Variants in TTC12 observed in about 807,000 individuals in gnomAD.
TTC12 encodes tetratricopeptide repeat domain 12, also known as tetratricopeptide repeat protein 12.
TTC12 carries 70 observed loss-of-function variants against 90.1 expected under a neutral mutation model. The ratio of observed to expected loss-of-function variants is 0.78; its 90% CI spans 0.64 to 0.95. The LOEUF is 0.95. Among genes scored for constraint, TTC12 ranks in the 40% least tolerant of loss-of-function variants. The probability of loss-of-function intolerance (pLI) is 0.00; values close to 1 mark genes in which losing one functional copy is unlikely to be tolerated. For synonymous variants in TTC12, 296 were observed against 311.5 expected (o/e 0.95, Z 0.53); for missense variants, 819 against 846.1 (o/e 0.97, Z 0.40).
chr11:113,320,621 G>C (rs1591513431), intron 2 of TTC12, among the ~76,000 whole-genome samples: 1 of 152,196 alleles, frequency 6.6e-6, no homozygotes, highest in Non-Finnish European at 1.5e-5. Flanking sequence ...GGGATGCTGG[G>C]CAAGAGCTCG....
chr11:113,317,475 G>C (rs7927508), intron 2 of TTC12, among the ~76,000 whole-genome samples: 8 of 151,462 alleles, frequency 5.3e-5, no homozygotes, highest in African/African-American at 9.7e-5. Flanking sequence ...ATCCTCTCCA[G>C]CCCTCCCTTT....
At chr11:113,347,039 T>A (rs1414565784) in intron 13 of TTC12, among the ~76,000 whole-genome samples, 1 of 152,174 alleles carries the variant, frequency 6.6e-6, no homozygotes, top group Non-Finnish European at 1.5e-5. Flanking sequence ...AGTTAGGATG[T>A]GTGCATTGTC....
chr11:113,315,999 G>C, intron 1 of TTC12: 1 of 324,932 alleles, frequency 3.1e-6, no homozygotes, highest in Non-Finnish European at 5.6e-6. Context: ...ACTATTTGCA[G>C]AGCGTTTTCT....
At chr11:113,331,389 A>G (rs1232450348) in intron 7 of TTC12, among the ~76,000 whole-genome samples, 1 of 152,186 alleles carries the variant, frequency 6.6e-6, no homozygotes, top group Non-Finnish European at 1.5e-5. Context: ...CATTTGCTGC[A>G]TGCTCACGAA....
chr11:113,365,129 T>A, intron 21 of TTC12, 69 bp downstream of exon 21: 1 of 1,415,822 alleles, frequency 7.1e-7, no homozygotes, highest in Non-Finnish European at 9.9e-7. Flanking sequence ...TGCTGAGTTT[T>A]GGCTGGGACT....
downstream of TTC12, among the ~76,000 whole-genome samples, chr11:113,366,765 C>T (rs1262863663): frequency 6.6e-6 from 1 of 152,210 alleles, no homozygotes; most frequent in Non-Finnish European, 1.5e-5. Flanking sequence ...CATTGGTGGC[C>T]TGCAGCTGAC....
chr11:113,364,019 CA>C (rs1251596761), intron 20 of TTC12, 92 bp downstream of exon 20: 1 of 816,550 alleles, frequency 1.2e-6, no homozygotes, highest in Non-Finnish European at 2.0e-6. Context: ...AGGAACTTAG[CA>C]GCAATGCTGT....
At chr11:113,314,853 C>G (rs1195965291) in intron 1 of TTC12, 3 of 109,814 alleles carry the variant, frequency 2.7e-5, no homozygotes, top group Admixed American at 8.3e-5. Flanking sequence ...GGGCAGCGCG[C>G]GTCTGGGGCA....
intron 20 of TTC12, 110 bp from the exon 21 acceptor site, chr11:113,364,725 T>C: frequency 1.2e-6 from 1 of 802,540 alleles, no homozygotes; most frequent in Non-Finnish European, 2.1e-6. Flanking sequence ...GCAGAGTTAC[T>C]GGGGAAGCTC....
At position 113,323,420 on chromosome 11, in the gene TTC12, C is replaced by A. The variant is rs782495315; in HGVS notation, c.191C>A (p.Thr64Asn). The change falls in exon 3 of 22, where the codon ACT becomes AAT. Residue 64 changes from threonine to asparagine, a missense_variant. By Grantham distance (65) the Thr-to-Asn change is moderately conservative. Transcript: ENST00000529221. Reference sequence around the variant, plus strand: ...GAATGCAGGACCACCTTGAACAAGACTATGATCAGTCCTCCACAAACTGCT... The same window carrying A: ...GAATGCAGGACCACCTTGAACAAGAATATGATCAGTCCTCCACAAACTGCT... The part of the protein sequence containing the change: ...EDECRTTLNK[T>N]MISPPQTAMK... 6.2e-7 allele frequency: 1 copy of A among 1,608,504 alleles called. No homozygotes were observed. The highest frequency in any genetic ancestry group is 8.5e-7 in the Non-Finnish European group (1 of 1,178,366).
downstream of TTC12, among the ~76,000 whole-genome samples, chr11:113,370,961 TACAC>T (rs1024264061): frequency 3.9e-5 from 6 of 151,992 alleles, no homozygotes; most frequent in Non-Finnish European, 7.4e-5. Context: ...AGCACACACA[TACAC>T]ACACCCCCAC....
intron 3 of TTC12, 25 bp downstream of exon 3, chr11:113,323,476 T>TG: frequency 6.6e-7 from 1 of 1,526,024 alleles, no homozygotes; most frequent in Non-Finnish European, 8.8e-7. Context: ...TGAGAAGTTA[T>TG]ATAAGTACTT....
intron 3 of TTC12, 80 bp downstream of exon 3, chr11:113,323,531 G>A: frequency 1.1e-6 from 1 of 920,568 alleles, no homozygotes. Flanking sequence ...ATCTCAAACT[G>A]TCCAGCAAGG....
intron 5 of TTC12, among the ~76,000 whole-genome samples, chr11:113,324,942 T>C (rs1235232398): frequency 6.6e-6 from 1 of 152,124 alleles, no homozygotes; most frequent in Non-Finnish European, 1.5e-5. Context: ...CAGAGCAAAG[T>C]GAATTGTACT....
intron 13 of TTC12, among the ~76,000 whole-genome samples, chr11:113,348,770 C>T (rs1165106605): frequency 6.6e-6 from 1 of 152,222 alleles, no homozygotes; most frequent in Non-Finnish European, 1.5e-5. Context: ...ACCCCCACCA[C>T]CAACCACACA....
chr11:113,362,403 A>T lies in TTC12; in HGVS notation c.1617A>T (p.Arg539Ser). Residue 539 changes from arginine (R) to serine (S), a missense_variant and splice_region_variant, in exon 19 of 22, where the codon AGA becomes AGT. Arg to Ser is a moderately radical substitution (Grantham distance 110, BLOSUM62 -1). Transcript: ENST00000529221. The part of the protein sequence containing the change: ...LNSQDGGILT[R>S]AAGVLSRTLS... Reference sequence around the variant, plus strand: ...TATCCTCTTTCTGCTGTACTCAGAGAGCTGCTGGTGTTCTGAGCCGGACCC... The same window carrying T: ...TATCCTCTTTCTGCTGTACTCAGAGTGCTGCTGGTGTTCTGAGCCGGACCC... The T allele has an allele frequency of 6.2e-7, 1 of 1,611,046 alleles. No homozygotes were observed. Among genetic ancestry groups the T allele is most frequent in the African/African-American group, 1.3e-5 (1 of 74,954 alleles).
rs116045526 is a variant in TTC12, at chr11:113,325,509, C to T, written c.323-15C>T. The T allele has an allele frequency of 3.1e-4, 493 of 1,613,458 alleles. No homozygotes were observed. In the African/African-American group the frequency reaches 6.0e-3, roughly 20 times the overall value. The stretch of plus-strand genomic sequence containing the variant: ...GTGTGGTGAGAGCTCACCTGTGTAA[C>T]TTATATTCCCATAGCCCTAAAAGAA... On this transcript the variant is annotated splice_polypyrimidine_tract_variant and intron_variant, in intron 5 of 21. Coordinates refer to ENST00000529221, the MANE Select transcript of TTC12 (RefSeq NM_017868.4).
At position 113,365,053 on chromosome 11, in the gene TTC12, G is replaced by C; in HGVS notation, c.2035G>C (p.Glu679Gln). 1 of 1,613,524 alleles carries C rather than the reference G, an allele frequency of 6.2e-7. No individual in the cohort carries two copies. The stretch of plus-strand genomic sequence containing the variant: ...TGCTCTGGGGAAGCTGTGCACAGCT[G>C]AGCCCAGGTATGCTGTGGACACGGA... ...GIALGKLCTA[E>Q]PRFAAQLRKL... The change falls in exon 21 of 22, where the codon GAG (glutamate) becomes CAG (glutamine). Residue 679 changes from glutamate to glutamine, a missense_variant. Glu to Gln is a conservative substitution (Grantham distance 29). Coordinates refer to ENST00000529221, the MANE Select transcript of TTC12 (RefSeq NM_017868.4).
intron 14 of TTC12, 103 bp from the exon 15 acceptor site, chr11:113,351,136 T>A (rs1555150008): frequency 9.3e-7 from 1 of 1,077,418 alleles, no homozygotes; most frequent in African/African-American, 1.6e-5. Context: ...ACACTCTAAA[T>A]CATATGGACC....
Sources: allele counts gnomAD v4.1 joint callset (sites outside exome capture counted in the v4.1 genomes callset), GRCh38; gene constraint gnomAD v4.1.1; transcripts MANE v1.5; gene names NCBI Gene and HGNC (gene_info 2026-07-23, HGNC 2026-07-21).